Variants in MYLK observed in about 807,000 individuals in gnomAD.
MYLK encodes the protein myosin light chain kinase, smooth muscle.
A neutral mutation model predicts 203.4 loss-of-function variants in MYLK; 106 were observed. That is an observed-to-expected ratio of 0.52 (90% CI 0.45 to 0.61). The LOEUF (loss-of-function observed/expected upper bound fraction) is 0.61. Among genes scored for constraint, MYLK ranks in the 20% least tolerant of loss-of-function variants. MYLK has a pLI of 0.00. For missense variants in MYLK, 2,072 were observed against 2,442.3 expected (o/e 0.85, Z 3.20); for synonymous variants, 867 against 959.5 (o/e 0.90, Z 1.78).
chr3:123,821,011 G>A (rs543535456), intron 3 of MYLK, among the ~76,000 whole-genome samples: 12 of 152,228 alleles, frequency 7.9e-5, no homozygotes, highest in African/African-American at 2.9e-4. Flanking sequence ...TTACAGGCGT[G>A]AGCCACCACG....
chr3:123,738,195 T>C (rs2062743918), intron 7 of MYLK, among the ~76,000 whole-genome samples: 1 of 152,208 alleles, frequency 6.6e-6, no homozygotes. Context: ...AAATGACTTA[T>C]CCAGCTTCAC....
intron 18 of MYLK, among the ~76,000 whole-genome samples, chr3:123,693,073 C>A (rs944976166): frequency 2.0e-5 from 3 of 152,158 alleles, no homozygotes; most frequent in African/African-American, 7.2e-5. Flanking sequence ...CTTCCTGATA[C>A]CTCCTCCCCC....
intron 3 of MYLK, among the ~76,000 whole-genome samples, chr3:123,805,896 A>G (rs2065349086): frequency 6.6e-6 from 1 of 152,238 alleles, no homozygotes; most frequent in South Asian, 2.1e-4. Context: ...TTGTAACTGT[A>G]ATAAGTAATT....
At chr3:123,793,951 G>A in intron 3 of MYLK, 107 bp from the exon 4 acceptor site, 1 of 1,248,870 alleles carries the variant, frequency 8.0e-7, no homozygotes, top group Non-Finnish European at 1.2e-6. Context: ...TTTACGTGGA[G>A]CAGATCCCCA....
At chr3:123,681,979 T>C in intron 20 of MYLK, 5 of 565,482 alleles carry the variant, frequency 8.8e-6, no homozygotes, top group Non-Finnish European at 6.5e-6. Flanking sequence ...GGAGCTCAGA[T>C]GAGATGTGCA....
At chr3:123,832,380 C>T (rs2066359058) in intron 2 of MYLK, among the ~76,000 whole-genome samples, 1 of 152,234 alleles carries the variant, frequency 6.6e-6, no homozygotes, top group East Asian at 1.9e-4. Context: ...AGTAGCAATT[C>T]CATTTCCTCA....
At chr3:123,619,393 T>A (rs2057716836) in intron 32 of MYLK, among the ~76,000 whole-genome samples, 1 of 152,228 alleles carries the variant, frequency 6.6e-6, no homozygotes, top group Non-Finnish European at 1.5e-5. Context: ...GGACCAGGCC[T>A]GTGTGCTGCA....
At chr3:123,662,918 C>T (rs2059612331) in intron 23 of MYLK, among the ~76,000 whole-genome samples, 1 of 152,152 alleles carries the variant, frequency 6.6e-6, no homozygotes, top group Non-Finnish European at 1.5e-5. Context: ...CAGCAAGGCC[C>T]CTTTTTCTAA....
intron 2 of MYLK, among the ~76,000 whole-genome samples, chr3:123,847,436 T>A (rs973245867): frequency 4.6e-5 from 7 of 152,156 alleles, no homozygotes; most frequent in Middle Eastern, 3.2e-3. Context: ...TAGAACCTCC[T>A]GTACAATGCT....
chr3:123,835,065 A>C (rs1341104890), intron 2 of MYLK, among the ~76,000 whole-genome samples: 1 of 152,212 alleles, frequency 6.6e-6, no homozygotes, highest in Admixed American at 6.5e-5. Flanking sequence ...GAACACAAAA[A>C]CTACACATCA....
At position 123,708,113 on chromosome 3, in the gene MYLK, C is replaced by T. The variant is rs2061534006; in HGVS notation, c.2141-110G>A. 2.7e-6 allele frequency: 4 copies of T among 1,466,916 alleles called. No homozygotes were observed. The African/African-American group carries it at 4.2e-5, about 15-fold the overall frequency. The allele number at this position is 1,466,916 out of a possible 1,614,324, so 90.9% of individuals were successfully genotyped here. On this transcript the variant is annotated intron_variant, in intron 15 of 33. Coordinates refer to ENST00000360304, the MANE Select transcript of MYLK (RefSeq NM_053025.4). Reference sequence around the variant, plus strand: ...GGAAGATAGCATGTCACCCAAGTAACAGATTGTCCAGAAATCACTGTGATT... The same window carrying T: ...GGAAGATAGCATGTCACCCAAGTAATAGATTGTCCAGAAATCACTGTGATT...
chr3:123,694,749 G>A (rs1453528304), intron 18 of MYLK, among the ~76,000 whole-genome samples: 1 of 152,242 alleles, frequency 6.6e-6, no homozygotes, highest in Non-Finnish European at 1.5e-5. Context: ...GCAAGGCATG[G>A]GGCAGGCAGC....
At chr3:123,649,367 G>A (rs554098277) in intron 24 of MYLK, among the ~76,000 whole-genome samples, 173 bp from the exon 25 acceptor site, 1 of 152,100 alleles carries the variant, frequency 6.6e-6, no homozygotes, top group Non-Finnish European at 1.5e-5. Context: ...AGCAAATAGG[G>A]CCCAGTGCAG....
rs1199884485 is a variant in MYLK at position 123,620,239 on chromosome 3, C to T, written c.5336G>A (p.Ser1779Asn). ...GRKSSTGSPT[S>N]PLNAEKLESE... ...TTCTAGTTTTTCTGCATTGAGCGGG[C>T]TGGTTGGTGACCCTGTTGAGGATTT... The change falls in exon 32 of 34, where the codon AGC becomes AAC. Residue 1779 changes from serine (S) to asparagine (N), a missense_variant. Physicochemically the swap from Ser to Asn is conservative, Grantham distance 46. Coordinates refer to ENST00000360304, the MANE Select transcript of MYLK (RefSeq NM_053025.4). The T allele has an allele frequency of 6.2e-7, 1 of 1,614,030 alleles. No individual in the cohort carries two copies. Among genetic ancestry groups the T allele is most frequent in the African/African-American group, 1.3e-5 (1 of 74,914 alleles).
intron 23 of MYLK, among the ~76,000 whole-genome samples, chr3:123,658,127 G>C (rs1446595717): frequency 6.6e-6 from 1 of 152,200 alleles, no homozygotes; most frequent in Admixed American, 6.5e-5. Context: ...CAAGATTATT[G>C]TAGGAGTTTA....
intron 4 of MYLK, among the ~76,000 whole-genome samples, chr3:123,762,118 C>T (rs1022589542): frequency 2.0e-5 from 3 of 152,198 alleles, no homozygotes; most frequent in African/African-American, 4.8e-5. Context: ...GCAGGCCGCC[C>T]TCCCACTCCC....
chr3:123,639,219 T>C (rs932088330), intron 28 of MYLK, among the ~76,000 whole-genome samples: 2 of 152,192 alleles, frequency 1.3e-5, no homozygotes, highest in Non-Finnish European at 2.9e-5. Context: ...CCTGTCCTCT[T>C]AGCAGGAGTG....
At chr3:123,708,951 A>G (rs2061572300) in intron 14 of MYLK, 56 bp from the exon 15 acceptor site, 2 of 1,493,636 alleles carry the variant, frequency 1.3e-6, no homozygotes, top group Non-Finnish European at 1.9e-6. Context: ...CCGGCCATGC[A>G]GCAACTCTGC....
intron 3 of MYLK, among the ~76,000 whole-genome samples, chr3:123,827,693 CCATATATA>C (rs2066168486): frequency 5.8e-5 from 2 of 34,366 alleles, no homozygotes; most frequent in African/African-American, 1.0e-4. Context: ...ATGAAAAACA[CCATATATA>C]TATATATATA....
Sources: allele counts gnomAD v4.1 joint callset (sites outside exome capture counted in the v4.1 genomes callset), GRCh38; gene constraint gnomAD v4.1.1; transcripts MANE v1.5; gene names NCBI Gene and HGNC (gene_info 2026-07-23, HGNC 2026-07-21).